Variants in DIAPH2 observed in about 807,000 individuals in gnomAD.
DIAPH2 encodes the protein diaphanous related formin 2, also known as protein diaphanous homolog 2.
A neutral mutation model predicts 92.7 loss-of-function variants in DIAPH2; 35 were observed. The observed-to-expected ratio is 0.38, with a 90% CI of 0.29 to 0.50. DIAPH2 has a LOEUF of 0.50. Ranked by LOEUF, DIAPH2 falls within the 20% of genes least tolerant of loss-of-function variation. The pLI, the probability that DIAPH2 is intolerant of heterozygous loss-of-function variation, is 0.94. For synonymous variants in DIAPH2, 301 were observed against 280.4 expected, an observed-to-expected ratio of 1.07 and a Z score of -0.73; for missense variants, 701 against 819.5, an observed-to-expected ratio of 0.86 and a Z score of 1.77.
At chrX:96,813,742 T>C (rs1310580894) in intron 4 of DIAPH2, among the ~76,000 whole-genome samples, 1 of 111,830 alleles carries the variant, frequency 8.9e-6, no homozygotes, top group Non-Finnish European at 1.9e-5. Flanking sequence ...CCCTCAGCAT[T>C]TGCTTGTCTG....
chrX:96,812,989 T>C (rs898463359), intron 4 of DIAPH2, among the ~76,000 whole-genome samples: 11 of 111,829 alleles, frequency 9.8e-5, no homozygotes, highest in African/African-American at 3.6e-4. Flanking sequence ...GAGAAGAATG[T>C]GTATTCTGTT....
chrX:96,718,856 A>G (rs2063971833), intron 1 of DIAPH2, among the ~76,000 whole-genome samples: 1 of 111,850 alleles, frequency 8.9e-6, no homozygotes, highest in Non-Finnish European at 1.9e-5. Context: ...AGAAACTGCT[A>G]AATTATTCTC....
chrX:97,436,850 C>T (rs1427180030), intron 26 of DIAPH2, among the ~76,000 whole-genome samples: 2 of 112,073 alleles, frequency 1.8e-5, no homozygotes, highest in African/African-American at 3.2e-5. Context: ...GGCTTCACAA[C>T]GCCAGAGTTT....
chrX:97,510,090 T>A (rs748305557), intron 26 of DIAPH2, among the ~76,000 whole-genome samples: 1 of 110,706 alleles, frequency 9.0e-6, no homozygotes, highest in South Asian at 3.8e-4. Context: ...CCACACTGAC[T>A]TCCACAATGG....
intron 24 of DIAPH2, among the ~76,000 whole-genome samples, chrX:97,364,640 A>G (rs2069360789): frequency 9.0e-6 from 1 of 110,549 alleles, no homozygotes; most frequent in African/African-American, 3.3e-5. Context: ...TATACTCCAG[A>G]TTTCCTCCCT....
Position 97,310,120 on chromosome X carries a change from G to A in DIAPH2, c.2845-37996G>A, listed in dbSNP as rs139619915. 5.6e-3 allele frequency among the ~76,000 whole-genome samples: 630 copies of A among 112,329 alleles called. 2 individuals are homozygous for A. The highest frequency in any genetic ancestry group is 0.02 in the African/African-American group (613 of 30,954). On this transcript the variant is annotated intron_variant, in intron 23 of 26. Coordinates refer to ENST00000324765, the MANE Select transcript of DIAPH2 (RefSeq NM_006729.5). ...AATGAGATTTCCTCACTCTGAATTT[G>A]CAAAGCGACAAAATTTCCACCAAAG...
intron 17 of DIAPH2, among the ~76,000 whole-genome samples, chrX:97,009,700 G>A (rs2066210669): frequency 8.9e-6 from 1 of 112,178 alleles, no homozygotes; most frequent in Admixed American, 9.4e-5. Context: ...GTTCCCTTCT[G>A]GACCAGGATA....
At chrX:97,007,988 T>A (rs1437055389) in intron 17 of DIAPH2, among the ~76,000 whole-genome samples, 1 of 103,845 alleles carries the variant, frequency 9.6e-6, no homozygotes, top group African/African-American at 3.5e-5. Flanking sequence ...GGTCTCAATT[T>A]CCTGACCTCA....
At chrX:96,854,739 A>T (rs1569413382) in intron 4 of DIAPH2, among the ~76,000 whole-genome samples, 1 of 103,491 alleles carries the variant, frequency 9.7e-6, no homozygotes, top group Non-Finnish European at 2.0e-5. Context: ...ATGCCAGGTA[A>T]AAGAGTGTGG....
chrX:97,166,640 A>T (rs970358561), intron 22 of DIAPH2, among the ~76,000 whole-genome samples: 3 of 109,172 alleles, frequency 2.7e-5, no homozygotes, highest in African/African-American at 9.8e-5. Flanking sequence ...TAAAAAACTC[A>T]TTACAAAGTA....
At chrX:97,191,338 G>A (rs77311288) in intron 22 of DIAPH2, among the ~76,000 whole-genome samples, 7,888 of 101,900 alleles carry the variant, frequency 0.077, 639 homozygotes, top group African/African-American at 0.25. Flanking sequence ...AAAAAAAAAA[G>A]AAAAAAAAAA....
intron 23 of DIAPH2, among the ~76,000 whole-genome samples, chrX:97,258,172 T>A (rs1457459016): frequency 1.8e-5 from 2 of 112,156 alleles, no homozygotes; most frequent in Non-Finnish European, 3.8e-5. Context: ...CTTTGATTCC[T>A]TACTTTTTTC....
In DIAPH2 at chrX:96,736,012, C is replaced by T. The variant is rs745952133; in HGVS notation, c.165+222C>T. On this transcript the variant is annotated intron_variant, in intron 2 of 26. Coordinates refer to ENST00000324765, the MANE Select transcript of DIAPH2 (RefSeq NM_006729.5). ...AATTTTCATATCATCCTAATATTTA[C>T]CTTAACCAAATGTTTTTTAAAATCT... 2.7e-5 allele frequency among the ~76,000 whole-genome samples: 3 copies of T among 111,828 alleles called. No individual in the cohort carries two copies. The South Asian group carries it at 1.1e-3, about 42-fold the overall frequency.
intron 19 of DIAPH2, among the ~76,000 whole-genome samples, chrX:97,084,559 G>A (rs1327843793): frequency 9.0e-6 from 1 of 111,171 alleles, no homozygotes; most frequent in Non-Finnish European, 1.9e-5. Context: ...TATCAAATAG[G>A]GACAAAGGAA....
intron 4 of DIAPH2, among the ~76,000 whole-genome samples, chrX:96,812,642 T>C (rs1026799240): frequency 8.9e-6 from 1 of 112,213 alleles, no homozygotes; most frequent in South Asian, 3.7e-4. Flanking sequence ...TTTCCTGCTT[T>C]CTCTTGTGGG....
chrX:96,718,332 C>CTTTTTTT (rs1569373693), intron 1 of DIAPH2, among the ~76,000 whole-genome samples: 9 of 6,827 alleles, frequency 1.3e-3, no homozygotes, highest in African/African-American at 5.2e-3. Context: ...ACCACATTTT[C>CTTTTTTT]TTTGTTTTTT....
intron 26 of DIAPH2, among the ~76,000 whole-genome samples, chrX:97,593,059 C>T (rs929809270): frequency 8.1e-5 from 9 of 111,608 alleles, no homozygotes; most frequent in African/African-American, 2.3e-4. Context: ...GGCTTCTAGA[C>T]GAGTACCCAT....
chrX:96,996,701 A>T (rs1168897110), intron 17 of DIAPH2, among the ~76,000 whole-genome samples: 1 of 112,006 alleles, frequency 8.9e-6, no homozygotes, highest in Non-Finnish European at 1.9e-5. Flanking sequence ...TATTTAATAG[A>T]TACTTAGTTT....
At chrX:97,351,414 A>G (rs1398352456) in intron 24 of DIAPH2, among the ~76,000 whole-genome samples, 1 of 112,307 alleles carries the variant, frequency 8.9e-6, no homozygotes, top group Non-Finnish European at 1.9e-5. Flanking sequence ...AAACAAATGC[A>G]ATATAATTTG....
Sources: allele counts gnomAD v4.1 joint callset (sites outside exome capture counted in the v4.1 genomes callset), GRCh38; gene constraint gnomAD v4.1.1; transcripts MANE v1.5; gene names NCBI Gene and HGNC (gene_info 2026-07-23, HGNC 2026-07-21).